NAV2: variants seen among roughly 807,000 people sequenced by gnomAD.
The protein encoded by NAV2 is helicase, APC down-regulated 1.
Under a neutral mutation model 223.2 loss-of-function variants are expected in NAV2, and 54 were observed. The ratio of observed to expected loss-of-function variants is 0.24; its 90% CI spans 0.19 to 0.30. The LOEUF is 0.30. Ranked by LOEUF, NAV2 falls within the 10% of genes least tolerant of loss-of-function variation. The probability of loss-of-function intolerance (pLI) is 1.00; values close to 1 mark genes in which losing one functional copy is unlikely to be tolerated. For missense variants in NAV2, 2,806 were observed against 3,147.5 expected, an observed-to-expected ratio of 0.89 and a Z score of 2.60; for synonymous variants, 1,279 against 1,239.3, an observed-to-expected ratio of 1.03 and a Z score of -0.67.
Position 19,998,502 on chromosome 11 carries a change from T to C in NAV2, c.2768+14255T>C, listed in dbSNP as rs2052174516. 6.6e-6 allele frequency among the ~76,000 whole-genome samples: 1 copy of C among 152,106 alleles called. No homozygotes were observed. The highest frequency in any genetic ancestry group is 1.5e-5 in the Non-Finnish European group (1 of 68,014). On this transcript the variant is annotated intron_variant, in intron 11 of 37. Transcript: ENST00000349880. The surrounding 1 kb of genome is among the most constrained non-coding windows in gnomAD (Gnocchi z 5.0). ...GCCTGAAACCCTCCCTTAGTGCCTT[T>C]CCATTGCACCTAGAATAAAGGTCAG...
intron 9 of NAV2, 136 bp downstream of exon 9, chr11:19,946,645 G>T (rs938804891): frequency 3.1e-5 from 23 of 737,546 alleles, no homozygotes; most frequent in Non-Finnish European, 4.1e-5. Flanking sequence ...AATTCACAAA[G>T]AATGCCATAT....
At chr11:20,022,713 A>T (rs932902869) in intron 11 of NAV2, 3 of 1,032,266 alleles carry the variant, frequency 2.9e-6, no homozygotes, top group Non-Finnish European at 3.5e-6. Flanking sequence ...GTAGTTTTTC[A>T]TTCTTAGATT....
At chr11:19,464,229 C>A (rs117793855) in intron 1 of NAV2, among the ~76,000 whole-genome samples, 1 of 152,126 alleles carries the variant, frequency 6.6e-6, no homozygotes, top group Non-Finnish European at 1.5e-5. Flanking sequence ...AAAATGCCAT[C>A]CCTGCTTTAA....
At chr11:19,386,412 C>T (rs1397137613) in intron 1 of NAV2, among the ~76,000 whole-genome samples, 1 of 152,092 alleles carries the variant, frequency 6.6e-6, no homozygotes, top group East Asian at 1.9e-4. Context: ...TACTACCCAT[C>T]TCATATGGTT....
chr11:19,662,234 C>A (rs1165436338), intron 1 of NAV2, among the ~76,000 whole-genome samples: 1 of 152,122 alleles, frequency 6.6e-6, no homozygotes, highest in Non-Finnish European at 1.5e-5. Flanking sequence ...GTTTACCTAC[C>A]ATCAAAGACC....
rs187278383 is a variant in NAV2, at chr11:19,690,409, T to C, written c.76-142075T>C. ...TAACCAATTGCCAACTGTATGATCT[T>C]GGACCACTTACTTGGCCTCTCTGTG... On this transcript the variant is annotated intron_variant, in intron 1 of 37. Coordinates refer to the NAV2 transcript ENST00000360655. Among the ~76,000 whole-genome samples, 3 of 152,346 alleles carry C rather than the reference T, an allele frequency of 2.0e-5. No homozygotes were observed. The East Asian group carries it at 5.8e-4, about 29-fold the overall frequency.
chr11:20,044,051 A>T lies in NAV2; in HGVS notation c.2978A>T (p.Asp993Val). 1 of 1,614,212 alleles carries T rather than the reference A, an allele frequency of 6.2e-7. No individual in the cohort carries two copies. The highest frequency in any genetic ancestry group is 8.5e-7 in the Non-Finnish European group (1 of 1,180,034). The change falls in exon 13 of 38, where the codon GAC becomes GTC. Residue 993 changes from aspartate (D) to valine (V), a missense_variant. Coordinates refer to ENST00000349880, the MANE Select transcript of NAV2 (RefSeq NM_145117.5). ...LWSGDDVKKS[D>V]GGSDSGIKME... ...TCTGGTGATGATGTCAAGAAATCAGACGGAGGCTCAGACAGCGGCATAAAA... is the reference window on the plus strand; with the variant it reads ...TCTGGTGATGATGTCAAGAAATCAGTCGGAGGCTCAGACAGCGGCATAAAA...
chr11:19,861,027 GGGCAGA>G (rs2061742256), intron 3 of NAV2, among the ~76,000 whole-genome samples: 1 of 148,844 alleles, frequency 6.7e-6, no homozygotes, highest in Non-Finnish European at 1.5e-5. Context: ...GGTGGAAAGA[GGGCAGA>G]GGGAGAGGGA....
intron 1 of NAV2, among the ~76,000 whole-genome samples, chr11:19,705,242 C>A (rs2152292964): frequency 6.6e-6 from 1 of 152,248 alleles, no homozygotes; most frequent in South Asian, 2.1e-4. Flanking sequence ...CTCAGTGTCA[C>A]CTTTACTTTT....
chr11:19,609,498 A>G (rs568312504), intron 1 of NAV2, among the ~76,000 whole-genome samples: 12 of 152,310 alleles, frequency 7.9e-5, no homozygotes, highest in African/African-American at 2.6e-4. Context: ...GAAAAGTATT[A>G]CAGGTGAGGG....
intron 11 of NAV2, among the ~76,000 whole-genome samples, chr11:20,029,051 C>T (rs769675129): frequency 1.3e-5 from 2 of 152,198 alleles, no homozygotes; most frequent in Non-Finnish European, 2.9e-5. Flanking sequence ...TGAAAAAGCC[C>T]AGACATTAGA....
intron 1 of NAV2, among the ~76,000 whole-genome samples, chr11:19,525,178 C>T (rs1414782694): frequency 2.0e-5 from 3 of 152,176 alleles, no homozygotes; most frequent in Non-Finnish European, 4.4e-5. Flanking sequence ...ATCTTACTGT[C>T]CAACCTGTGT....
chr11:19,975,658 C>T (rs143907225), intron 10 of NAV2, among the ~76,000 whole-genome samples: 157 of 152,296 alleles, frequency 1.0e-3, no homozygotes, highest in African/African-American at 3.7e-3. Context: ...TGAGATTGAG[C>T]CTGTGTGCTA....
intron 1 of NAV2, among the ~76,000 whole-genome samples, chr11:19,600,935 G>T (rs2046334278): frequency 6.6e-6 from 1 of 152,178 alleles, no homozygotes; most frequent in Non-Finnish European, 1.5e-5. Flanking sequence ...ATGTGACTTT[G>T]TAATCATTAA....
chr11:19,465,271 C>T (rs1402247603), intron 1 of NAV2, among the ~76,000 whole-genome samples: 2 of 152,212 alleles, frequency 1.3e-5, no homozygotes, highest in South Asian at 2.1e-4. Flanking sequence ...AAAGAAAAGA[C>T]AGCCCCCTGC....
chr11:19,981,180 T>C (rs1280429336), intron 10 of NAV2: 1 of 152,232 alleles, frequency 6.6e-6, no homozygotes, highest in Non-Finnish European at 1.5e-5. Flanking sequence ...TAGCTTTGCC[T>C]TTCCCCTCCC....
At chr11:19,784,506 C>G (rs2056970878) in intron 1 of NAV2, among the ~76,000 whole-genome samples, 1 of 149,074 alleles carries the variant, frequency 6.7e-6, no homozygotes, top group South Asian at 2.1e-4. Flanking sequence ...GGTATTATAC[C>G]AGGTGACTGT....
chr11:19,470,391 C>G (rs554031932), intron 1 of NAV2, among the ~76,000 whole-genome samples: 1 of 152,272 alleles, frequency 6.6e-6, no homozygotes, highest in South Asian at 2.1e-4. Context: ...ATACCTGAGA[C>G]TGGGTAATTT....
At chr11:19,854,822 T>A (rs114548898) in intron 3 of NAV2, among the ~76,000 whole-genome samples, 297 of 152,334 alleles carry the variant, frequency 1.9e-3, no homozygotes, top group African/African-American at 6.8e-3. Flanking sequence ...CTGTGAAGTG[T>A]CCTTTTTAAA....
Sources: gnomAD v4.1 joint callset for allele counts (sites outside exome capture counted in the v4.1 genomes callset) on GRCh38, gnomAD v4.1.1 for gene constraint, Gnocchi (gnomAD v3.1) non-coding constraint, MANE v1.5 for transcripts, NCBI Gene and HGNC (gene_info 2026-07-23, HGNC 2026-07-21) for gene names.